GSAP: variants seen among roughly 807,000 people sequenced by gnomAD.
GSAP encodes the protein gamma-secretase-activating protein.
GSAP carries 118 observed loss-of-function variants against 131.7 expected under a neutral mutation model. That is an observed-to-expected ratio of 0.90 (90% CI 0.77 to 1.04). The LOEUF (loss-of-function observed/expected upper bound fraction) is 1.04. GSAP is among the 50% of genes least tolerant of loss of function. The probability of loss-of-function intolerance (pLI) is 0.00; values close to 1 mark genes in which losing one functional copy is unlikely to be tolerated. For synonymous variants in GSAP, 381 were observed against 363.4 expected (o/e 1.05, Z -0.55); for missense variants, 1,019 against 1,013.2 (o/e 1.01, Z -0.08).
Position 77,321,196 on chromosome 7 carries a change from T to C in GSAP, c.1994+137A>G, listed in dbSNP as rs140086846. ...TGCAGGGGGGCATAACTTTAAATGC[T>C]GAGTATAGAATTAAGCTAGATGGTG... is the stretch of plus-strand genomic sequence containing the variant. On this transcript the variant is annotated intron_variant, in intron 25 of 30. Transcript: ENST00000257626. 4.5e-5 allele frequency: 29 copies of C among 644,880 alleles called. No individual in the cohort carries two copies. In the East Asian group the frequency reaches 7.6e-4, roughly 17 times the overall value. 39.9% of individuals were successfully genotyped at this position (644,880 alleles called of 1,614,324 possible). A position where few individuals can be genotyped will look rare whatever the true frequency, so the allele number is the denominator to read the frequency against.
intron 1 of GSAP, among the ~76,000 whole-genome samples, chr7:77,412,445 A>T (rs1325934336): frequency 6.6e-6 from 1 of 152,176 alleles, no homozygotes; most frequent in African/African-American, 2.4e-5. Flanking sequence ...TCACGACTTC[A>T]AAACAGGGAG....
At chr7:77,378,768 G>A (rs937711277) in intron 8 of GSAP, among the ~76,000 whole-genome samples, 2 of 152,146 alleles carry the variant, frequency 1.3e-5, no homozygotes, top group African/African-American at 4.8e-5. Context: ...TGCATCAGCT[G>A]ACCTCGAAAT....
At chr7:77,362,703 G>T in intron 12 of GSAP, 43 bp from the exon 13 acceptor site, 1 of 1,139,934 alleles carries the variant, frequency 8.8e-7, no homozygotes, top group Non-Finnish European at 1.3e-6. Context: ...CAGAATCTAT[G>T]TCATAAATAA....
At chr7:77,390,079 CTT>C (rs1230615588) in intron 5 of GSAP, among the ~76,000 whole-genome samples, 2 of 152,188 alleles carry the variant, frequency 1.3e-5, no homozygotes, top group African/African-American at 4.8e-5. Flanking sequence ...GAATAAATGT[CTT>C]CTTTTGAGAA....
chr7:77,365,229 A>AT (rs1795110208), intron 12 of GSAP, among the ~76,000 whole-genome samples: 1 of 151,916 alleles, frequency 6.6e-6, no homozygotes, highest in Admixed American at 6.6e-5. Context: ...GACTACAGGA[A>AT]TTTTTTTTAA....
chr7:77,389,151 G>A (rs1424586099), intron 5 of GSAP, among the ~76,000 whole-genome samples: 1 of 151,932 alleles, frequency 6.6e-6, no homozygotes, highest in African/African-American at 2.4e-5. Context: ...TTTTCTTATT[G>A]TTATCTTAAA....
chr7:77,377,652 G>A (rs755211554), intron 8 of GSAP, among the ~76,000 whole-genome samples: 2 of 152,138 alleles, frequency 1.3e-5, no homozygotes, highest in African/African-American at 2.4e-5. Context: ...GGCTGAGGCT[G>A]TTGAAGACAA....
chr7:77,392,387 T>A (rs1446821829), intron 5 of GSAP, among the ~76,000 whole-genome samples: 2 of 151,716 alleles, frequency 1.3e-5, no homozygotes, highest in African/African-American at 4.8e-5. Context: ...TCTCTGCTAA[T>A]AACACAAAAA....
chr7:77,361,302 CCA>C (rs1794493474), intron 13 of GSAP, among the ~76,000 whole-genome samples: 1 of 152,130 alleles, frequency 6.6e-6, no homozygotes, highest in East Asian at 1.9e-4. Context: ...CTTACAAATC[CCA>C]CTTTTAGGTA....
chr7:77,399,706 G>A (rs1052041534), intron 3 of GSAP, among the ~76,000 whole-genome samples: 2 of 150,598 alleles, frequency 1.3e-5, no homozygotes, highest in African/African-American at 2.4e-5. Context: ...CTTGAGGTGG[G>A]GGGGGGCGGG....
At chr7:77,324,292 T>C (rs2150640217) in intron 23 of GSAP, among the ~76,000 whole-genome samples, 1 of 152,266 alleles carries the variant, frequency 6.6e-6, no homozygotes, top group Admixed American at 6.5e-5. Context: ...TGCCTCCAAA[T>C]AGGTTTGTTT....
chr7:77,415,005 G>A (rs772319132), intron 1 of GSAP, among the ~76,000 whole-genome samples: 7 of 151,932 alleles, frequency 4.6e-5, no homozygotes, highest in East Asian at 3.9e-4. Context: ...TTACAGGAGC[G>A]TGTCACCACG....
At chr7:77,376,381 C>A (rs1387385552) in intron 10 of GSAP, among the ~76,000 whole-genome samples, 1 of 152,146 alleles carries the variant, frequency 6.6e-6, no homozygotes, top group Non-Finnish European at 1.5e-5. Flanking sequence ...AGAGTGGAAA[C>A]CTGGAGGTGG....
In GSAP at chr7:77,390,954, A is replaced by T. The variant is rs1463280787; in HGVS notation, c.368-3506T>A. Among the ~76,000 whole-genome samples, 94 of 96,604 alleles carry T rather than the reference A, an allele frequency of 9.7e-4. 5 individuals are homozygous for T. In the South Asian group the frequency reaches 0.017, roughly 18 times the overall value. 63.4% of individuals were successfully genotyped at this position (96,604 alleles called of 152,430 possible). On this transcript the variant is annotated intron_variant, in intron 5 of 30. Coordinates refer to ENST00000257626, the MANE Select transcript of GSAP (RefSeq NM_017439.4). Reference sequence around the variant, plus strand: ...CAGAGCGAGACTCCGTCTAAAAAAAAAAAAAAAAAAAAAAAAAAAAAAAAA... The same window carrying T: ...CAGAGCGAGACTCCGTCTAAAAAAATAAAAAAAAAAAAAAAAAAAAAAAAA...
intron 5 of GSAP, among the ~76,000 whole-genome samples, chr7:77,393,069 A>G (rs1799833476): frequency 6.6e-6 from 1 of 151,712 alleles, no homozygotes; most frequent in Non-Finnish European, 1.5e-5. Context: ...ACTGATTAAA[A>G]AAAGAAAAAA....
chr7:77,314,731 C>G, intron 26 of GSAP: 1 of 393,560 alleles, frequency 2.5e-6, no homozygotes, highest in East Asian at 5.3e-5. Context: ...TCTTCCTGCA[C>G]AGAAACAGAG....
At chr7:77,321,490 T>C (rs762216869) in intron 24 of GSAP, 87 bp from the exon 25 acceptor site, 8 of 830,188 alleles carry the variant, frequency 9.6e-6, no homozygotes, top group Non-Finnish European at 1.7e-5. Context: ...CAGATAAGCA[T>C]TTCAGGGCAG....
intron 21 of GSAP, 46 bp downstream of exon 21, chr7:77,329,287 A>T: frequency 9.4e-7 from 1 of 1,065,076 alleles, no homozygotes; most frequent in Non-Finnish European, 1.4e-6. Context: ...AAGTAATTGT[A>T]AATGTCAACC....
chr7:77,403,404 G>A (rs1282767051), intron 3 of GSAP, among the ~76,000 whole-genome samples: 3 of 152,184 alleles, frequency 2.0e-5, no homozygotes, highest in East Asian at 3.8e-4. Flanking sequence ...AGAGTAAGGT[G>A]ACCTGTAAAA....
Sources: gnomAD v4.1 joint callset for allele counts (sites outside exome capture counted in the v4.1 genomes callset) on GRCh38, gnomAD v4.1.1 for gene constraint, MANE v1.5 for transcripts, NCBI Gene and HGNC (gene_info 2026-07-23, HGNC 2026-07-21) for gene names.